Variants in CD99 observed in about 807,000 individuals in gnomAD.
CD99 encodes the protein CD99 molecule (Xg blood group).
A neutral mutation model predicts 28.4 loss-of-function variants in CD99; 19 were observed. That is an observed-to-expected ratio of 0.67 (90% CI 0.47 to 0.98). The LOEUF is 0.98. Among genes scored for constraint, CD99 ranks in the 50% least tolerant of loss-of-function variants. The probability of loss-of-function intolerance (pLI) is 0.00; values close to 1 mark genes in which losing one functional copy is unlikely to be tolerated. For missense variants in CD99, 283 were observed against 248.8 expected (o/e 1.14, Z -0.92); for synonymous variants, 103 against 92.1 (o/e 1.12, Z -0.67).
Position 2,691,438 on chromosome X carries a change from G to A in CD99, c.67+11G>A. On this transcript the variant is annotated intron_variant, in intron 1 of 9. Transcript: ENST00000381192. ...TGGTCGCCGCCCCGGGTGAGCGAGC[G>A]GAGGGATCCGGGTTGGGGGACGCGG... The A allele has an allele frequency of 6.3e-7, 1 of 1,580,494 alleles. No individual in the cohort carries two copies. The highest frequency in any genetic ancestry group is 8.5e-7 in the Non-Finnish European group (1 of 1,172,374).
intron 2 of CD99, 71 bp from the exon 3 acceptor site, chrX:2,717,534 T>A (rs1020812497): frequency 4.9e-6 from 6 of 1,221,664 alleles, no homozygotes; most frequent in Non-Finnish European, 7.3e-6. Context: ...GAAACATCCT[T>A]AACCACAAAA....
chrX:2,733,508 G>A, intron 8 of CD99: 1 of 909,918 alleles, frequency 1.1e-6, no homozygotes, highest in Non-Finnish European at 1.7e-6. Context: ...ACCACGATGG[G>A]ATTCTCAATC....
At chrX:2,732,789 C>G (rs1366008697) in intron 8 of CD99, among the ~76,000 whole-genome samples, 1 of 149,186 alleles carries the variant, frequency 6.7e-6, no homozygotes, top group Non-Finnish European at 1.5e-5. Context: ...TCCCTTCCTC[C>G]TTTCCTTCCT....
At chrX:2,709,383 C>T (rs954705324) in intron 1 of CD99, among the ~76,000 whole-genome samples, 1 of 152,224 alleles carries the variant, frequency 6.6e-6, no homozygotes, top group Non-Finnish European at 1.5e-5. Context: ...AGCACCCTCA[C>T]ACATATGCAC....
rs1402354619 is a variant in CD99, at chrX:2,691,442, G to A, written c.67+15G>A. The stretch of plus-strand genomic sequence containing the variant: ...CGCCGCCCCGGGTGAGCGAGCGGAG[G>A]GATCCGGGTTGGGGGACGCGGAGGG... On this transcript the variant is annotated intron_variant, in intron 1 of 9. Transcript: ENST00000381192. 3 of 1,579,930 alleles carry A rather than the reference G, an allele frequency of 1.9e-6. No individual in the cohort carries two copies. Among genetic ancestry groups the A allele is most frequent in the Non-Finnish European group, 2.6e-6 (3 of 1,172,156 alleles).
chrX:2,704,349 C>T (rs73188837), intron 1 of CD99, among the ~76,000 whole-genome samples: 2,590 of 152,222 alleles, frequency 0.017, 42 homozygotes, highest in Non-Finnish European at 0.024. Flanking sequence ...AGGATGAAGC[C>T]GAGATGTTAC....
chrX:2,708,187 A>G (rs138767987), intron 1 of CD99, among the ~76,000 whole-genome samples: 3,906 of 152,146 alleles, frequency 0.026, 201 homozygotes, highest in East Asian at 0.18. Context: ...CTTCACATAC[A>G]TAGGGAACTG....
chrX:2,717,628 G>A lies in CD99; in HGVS notation c.124G>A (p.Ala42Thr). 1 of 1,613,656 alleles carries A rather than the reference G, an allele frequency of 6.2e-7. No homozygotes were observed. The highest frequency in any genetic ancestry group is 1.7e-4 in the Middle Eastern group (1 of 6,056). Residue 42 changes from alanine to threonine, a missense_variant, in exon 3 of 10, where the codon GCA becomes ACA. Transcript: ENST00000381192. ...LPDNENKKPT[A>T]IPKKPSAGDD... is the part of the protein sequence containing the mutation. ...AGACAATGAAAACAAGAAACCCACT[G>A]CAATCCCCAAGAAACCCAGTGCTGG...
At chrX:2,735,936 T>C (rs1416181822) in intron 8 of CD99, among the ~76,000 whole-genome samples, 1 of 151,212 alleles carries the variant, frequency 6.6e-6, no homozygotes, top group Non-Finnish European at 1.5e-5. Context: ...GGCACGGTGG[T>C]TCACACCTGT....
At chrX:2,699,797 G>A (rs1287042060) in intron 1 of CD99, among the ~76,000 whole-genome samples, 1 of 152,202 alleles carries the variant, frequency 6.6e-6, no homozygotes, top group East Asian at 1.9e-4. Context: ...GTCTTCATGT[G>A]TGGCTGAGTT....
At chrX:2,695,397 G>T (rs762064648) in intron 1 of CD99, among the ~76,000 whole-genome samples, 3 of 151,896 alleles carry the variant, frequency 2.0e-5, no homozygotes, top group African/African-American at 7.3e-5. Context: ...TAGAGAAGGG[G>T]TTTCACTATG....
At chrX:2,695,603 G>A (rs1157586584) in intron 1 of CD99, among the ~76,000 whole-genome samples, 1 of 151,340 alleles carries the variant, frequency 6.6e-6, no homozygotes, top group Non-Finnish European at 1.5e-5. Context: ...GTAGAGACAG[G>A]GTCTTGCTAT....
chrX:2,733,335 C>T (rs769973551), intron 8 of CD99: 8 of 1,569,302 alleles, frequency 5.1e-6, no homozygotes, highest in South Asian at 3.5e-5. Context: ...TATTTTTTAT[C>T]GTTTTCAACC....
intron 1 of CD99, chrX:2,691,700 G>C: frequency 1.4e-6 from 1 of 704,130 alleles, no homozygotes; most frequent in Non-Finnish European, 2.6e-6. Flanking sequence ...GGAGAGGTGC[G>C]TCCGATTTTT....
chrX:2,699,354 G>T (rs2047733149), intron 1 of CD99, among the ~76,000 whole-genome samples: 2 of 151,798 alleles, frequency 1.3e-5, no homozygotes, highest in African/African-American at 2.4e-5. Context: ...ATTTTTAGTA[G>T]AGACGGGATT....
Position 2,706,497 on chromosome X carries a change from T to A in CD99, c.68-7925T>A, listed in dbSNP as rs373622731. Among the ~76,000 whole-genome samples, 3 of 152,260 alleles carry A rather than the reference T, an allele frequency of 2.0e-5. No homozygotes were observed. The South Asian group carries it at 6.2e-4, about 32-fold the overall frequency. ...TCTACAATGTCCTGAAAGTTTCGTG[T>A]TTAGTGGGCTTTGGAAAAGGGTGTG... On this transcript the variant is annotated intron_variant, in intron 1 of 9. Transcript: ENST00000381192.
At chrX:2,699,326 C>T (rs897299019) in intron 1 of CD99, among the ~76,000 whole-genome samples, 15 of 151,972 alleles carry the variant, frequency 9.9e-5, no homozygotes, top group Admixed American at 4.6e-4. Flanking sequence ...CGCACCACCA[C>T]GCCTGGCTAA....
chrX:2,726,011 C>G (rs1302672683), intron 7 of CD99, among the ~76,000 whole-genome samples: 2 of 152,192 alleles, frequency 1.3e-5, no homozygotes, highest in Non-Finnish European at 2.9e-5. Context: ...TGTCTCTTTT[C>G]TCCTGCTCCA....
rs1345617796 is a variant in CD99, at chrX:2,740,822, C to T, written c.*18C>T. On this transcript the variant is annotated 3_prime_UTR_variant, in exon 10 of 10. Transcript: ENST00000381192. The stretch of plus-strand genomic sequence containing the variant: ...AGAAATAGAAGATTGTCGGCAGAAA[C>T]AGCCCAGGCGTTGGCAGCAGGGTTA... 6 of 1,613,806 alleles carry T rather than the reference C, an allele frequency of 3.7e-6. No homozygotes were observed. In the African/African-American group the frequency reaches 8.0e-5, roughly 22 times the overall value.
Sources: gnomAD v4.1 joint callset for allele counts (sites outside exome capture counted in the v4.1 genomes callset) on GRCh38, gnomAD v4.1.1 for gene constraint, MANE v1.5 for transcripts, NCBI Gene and HGNC (gene_info 2026-07-23, HGNC 2026-07-21) for gene names.